CLDN10: variants seen among roughly 807,000 people sequenced by gnomAD.
CLDN10 encodes claudin-10.
In CLDN10, 15 loss-of-function variants were observed where a neutral mutation model predicts 22.9. That is an observed-to-expected ratio of 0.65 (90% CI 0.44 to 1.01). The LOEUF is 1.01. CLDN10 is among the 50% of genes least tolerant of loss of function. The pLI is 0.00. For missense variants in CLDN10, 247 were observed against 287.8 expected, an observed-to-expected ratio of 0.86 and a Z score of 1.03; for synonymous variants, 114 against 111.4, an observed-to-expected ratio of 1.02 and a Z score of -0.15.
intron 1 of CLDN10, among the ~76,000 whole-genome samples, chr13:95,540,802 C>T: frequency 6.6e-6 from 1 of 152,146 alleles, no homozygotes; most frequent in Non-Finnish European, 1.5e-5. Flanking sequence ...AGAGACATTG[C>T]TTTTTTCCAC....
At chr13:95,439,275 G>T (rs900731220) in intron 1 of CLDN10, among the ~76,000 whole-genome samples, 1 of 151,962 alleles carries the variant, frequency 6.6e-6, no homozygotes, top group Non-Finnish European at 1.5e-5. Context: ...GCCCATAGAC[G>T]GCACCTTCTC....
At chr13:95,522,121 T>C (rs1392257267) in intron 1 of CLDN10, among the ~76,000 whole-genome samples, 1 of 152,042 alleles carries the variant, frequency 6.6e-6, no homozygotes, top group Non-Finnish European at 1.5e-5. Flanking sequence ...CTTTTAGCTT[T>C]CTTGATGTTC....
intron 1 of CLDN10, among the ~76,000 whole-genome samples, chr13:95,461,656 T>C (rs868121667): frequency 5.3e-5 from 8 of 152,288 alleles, no homozygotes; most frequent in Middle Eastern, 3.4e-3. Flanking sequence ...AAAACAACTT[T>C]GAGATAAAAC....
chr13:95,442,594 C>T (rs1179060791), intron 1 of CLDN10, among the ~76,000 whole-genome samples: 1 of 152,120 alleles, frequency 6.6e-6, no homozygotes, highest in African/African-American at 2.4e-5. Flanking sequence ...GAGAAAAGGC[C>T]CCCTTTGGGC....
chr13:95,509,145 A>C (rs1330124491), intron 1 of CLDN10, among the ~76,000 whole-genome samples: 1 of 152,152 alleles, frequency 6.6e-6, no homozygotes, highest in Non-Finnish European at 1.5e-5. Context: ...ACAGATACTA[A>C]AGATATTAAG....
At chr13:95,459,978 T>C (rs2042519630) in intron 1 of CLDN10, among the ~76,000 whole-genome samples, 1 of 152,184 alleles carries the variant, frequency 6.6e-6, no homozygotes, top group African/African-American at 2.4e-5. Flanking sequence ...TTCTTAGAAA[T>C]TTCTTCTGCC....
At chr13:95,531,471 C>T (rs576027109) in intron 1 of CLDN10, among the ~76,000 whole-genome samples, 1 of 152,082 alleles carries the variant, frequency 6.6e-6, no homozygotes, top group African/African-American at 2.4e-5. Flanking sequence ...AAACTCTTAT[C>T]CAGATTACAG....
intron 1 of CLDN10, among the ~76,000 whole-genome samples, chr13:95,508,533 T>C (rs2043062013): frequency 6.6e-6 from 1 of 152,218 alleles, no homozygotes; most frequent in South Asian, 2.1e-4. Flanking sequence ...AATTAAGTGC[T>C]AGTAAAAAGG....
chr13:95,492,539 G>T (rs1245990371), intron 1 of CLDN10, among the ~76,000 whole-genome samples: 1 of 152,136 alleles, frequency 6.6e-6, no homozygotes, highest in Non-Finnish European at 1.5e-5. Flanking sequence ...CCTCGAGTCT[G>T]TTTCCTGGTG....
intron 1 of CLDN10, among the ~76,000 whole-genome samples, chr13:95,537,080 C>A (rs114424602): frequency 0.012 from 1,887 of 152,246 alleles, 35 homozygotes; most frequent in African/African-American, 0.043. Flanking sequence ...TTGAAGCTAA[C>A]ATTTTTTCTA....
rs199584007 is a variant in CLDN10 at position 95,531,675 on chromosome 13, G to A, written c.215-28457G>A. ...CTCTCAAGTAACTGAGACTACAGGC[G>A]CCCACCACCACGCCTGGCTAATTTT... On this transcript the variant is annotated intron_variant, in intron 1 of 4. Transcript: ENST00000376873. Among the ~76,000 whole-genome samples, 149 of 149,242 alleles carry A rather than the reference G, an allele frequency of 1.0e-3. 1 individual carries two copies. The highest frequency in any genetic ancestry group is 3.1e-3 in the African/African-American group (125 of 40,682).
At chr13:95,511,271 A>G (rs2043094820) in intron 1 of CLDN10, among the ~76,000 whole-genome samples, 1 of 152,110 alleles carries the variant, frequency 6.6e-6, no homozygotes, top group South Asian at 2.1e-4. Flanking sequence ...TATCCAAGCC[A>G]TTGTGGGATT....
chr13:95,541,421 C>A lies in CLDN10; in HGVS notation c.215-18711C>A, dbSNP rs142592301. Among the ~76,000 whole-genome samples the A allele has an allele frequency of 5.6e-3, 851 of 152,304 alleles. 12 individuals are homozygous for A. Among genetic ancestry groups the A allele is most frequent in the African/African-American group, 0.019 (809 of 41,562 alleles). ...GGAGTAGTGAGAAAGAGATTTCTCC[C>A]TGGTTCCCTCTCTTGCTAGCTGCAT... On this transcript the variant is annotated intron_variant, in intron 1 of 4. Transcript: ENST00000376873.
chr13:95,527,657 A>G (rs1246458247), intron 1 of CLDN10, among the ~76,000 whole-genome samples: 1 of 152,200 alleles, frequency 6.6e-6, no homozygotes, highest in Non-Finnish European at 1.5e-5. Context: ...AATCACTTGA[A>G]TCAGGGAGCT....
At chr13:95,575,811 A>G (rs2043917178) in intron 3 of CLDN10, among the ~76,000 whole-genome samples, 2 of 152,236 alleles carry the variant, frequency 1.3e-5, no homozygotes, top group South Asian at 4.1e-4. Flanking sequence ...GAGTAAAGAA[A>G]GGGTCACAGA....
At chr13:95,477,155 C>T (rs1018520359) in intron 1 of CLDN10, among the ~76,000 whole-genome samples, 8 of 152,138 alleles carry the variant, frequency 5.3e-5, no homozygotes, top group East Asian at 1.9e-4. Context: ...GAAGTGGGCA[C>T]GCCACGCCAT....
At chr13:95,544,203 T>A (rs144902324) in intron 1 of CLDN10, among the ~76,000 whole-genome samples, 1 of 152,350 alleles carries the variant, frequency 6.6e-6, no homozygotes, top group East Asian at 1.9e-4. Flanking sequence ...GCTTTTCTCC[T>A]CTACAGTATA....
At chr13:95,490,031 T>A (rs1428561528) in intron 1 of CLDN10, among the ~76,000 whole-genome samples, 1 of 152,192 alleles carries the variant, frequency 6.6e-6, no homozygotes, top group Admixed American at 6.5e-5. Context: ...TGGCTGTAAG[T>A]ATTTGGGTTT....
At chr13:95,566,340 CATT>C (rs1239808621) in intron 3 of CLDN10, among the ~76,000 whole-genome samples, 4 of 152,194 alleles carry the variant, frequency 2.6e-5, no homozygotes, top group Admixed American at 6.5e-5. Flanking sequence ...GATGGTATCT[CATT>C]GTGGTTTTGA....
Sources: allele counts gnomAD v4.1 joint callset (sites outside exome capture counted in the v4.1 genomes callset), GRCh38; gene constraint gnomAD v4.1.1; transcripts MANE v1.5; gene names NCBI Gene and HGNC (gene_info 2026-07-23, HGNC 2026-07-21).